The following FUT8 variants were observed in gnomAD, a reference collection of about 807,000 sequenced individuals.
FUT8 encodes the protein fucosyltransferase 8.
Under a neutral mutation model 71.3 loss-of-function variants are expected in FUT8, and 29 were observed. That is an observed-to-expected ratio of 0.41 (90% confidence interval 0.30 to 0.55). FUT8 has a LOEUF of 0.55. Ranked by LOEUF, FUT8 falls within the 20% of genes least tolerant of loss-of-function variation. The pLI is 0.34. For missense variants in FUT8, 544 were observed against 702.1 expected, an observed-to-expected ratio of 0.77 and a Z score of 2.55; for synonymous variants, 254 against 239.3, an observed-to-expected ratio of 1.06 and a Z score of -0.57.
chr14:65,370,290 CT>C, the FUT8 span, among the ~76,000 whole-genome samples: 1 of 144,368 alleles, frequency 6.9e-6, no homozygotes, highest in Non-Finnish European at 1.5e-5. Context: ...TCACTGCAAG[CT>C]CCGCCTCCCG....
intron 3 of FUT8, among the ~76,000 whole-genome samples, chr14:65,608,110 C>G (rs1169351671): frequency 6.8e-6 from 1 of 146,198 alleles, no homozygotes; most frequent in Non-Finnish European, 1.5e-5. Flanking sequence ...TCAAAAAATT[C>G]AATAGATTTT....
chr14:65,364,039 G>A, the FUT8 span, among the ~76,000 whole-genome samples: 1 of 152,124 alleles, frequency 6.6e-6, no homozygotes, highest in Admixed American at 6.6e-5. Context: ...AAACTTGGTG[G>A]AGAACACTGG....
chr14:65,571,128 A>G (rs1404633810), intron 3 of FUT8, among the ~76,000 whole-genome samples: 5 of 152,080 alleles, frequency 3.3e-5, no homozygotes, highest in African/African-American at 7.2e-5. Flanking sequence ...TCATTGCTCA[A>G]TTAAACTCCT....
At chr14:65,465,019 A>C (rs1461534089) in intron 2 of FUT8, among the ~76,000 whole-genome samples, 1 of 152,170 alleles carries the variant, frequency 6.6e-6, no homozygotes, top group Non-Finnish European at 1.5e-5. Flanking sequence ...AGGCTTATTC[A>C]GATTATTTGT....
At chr14:65,476,637 A>ATTTTTTTTTTTT (rs200882761) in intron 2 of FUT8, among the ~76,000 whole-genome samples, 1 of 125,082 alleles carries the variant, frequency 8.0e-6, no homozygotes, top group African/African-American at 3.1e-5. Flanking sequence ...AAAGAAGTAG[A>ATTTTTTTTTTTT]TTTTTTTTTT....
At chr14:65,497,283 T>C (rs772274785) in intron 2 of FUT8, among the ~76,000 whole-genome samples, 1 of 152,138 alleles carries the variant, frequency 6.6e-6, no homozygotes, top group Non-Finnish European at 1.5e-5. Context: ...TGTTTGGAAG[T>C]TGACAGTGGT....
the FUT8 span, among the ~76,000 whole-genome samples, chr14:65,374,444 A>G: frequency 2.0e-5 from 3 of 152,156 alleles, no homozygotes; most frequent in Admixed American, 2.0e-4. Context: ...GCCCCTGCCC[A>G]CACCATGAAA....
chr14:65,482,452 A>T (rs573026722), intron 2 of FUT8, among the ~76,000 whole-genome samples: 12 of 152,286 alleles, frequency 7.9e-5, no homozygotes, highest in African/African-American at 2.9e-4. Context: ...AGCTGAATGT[A>T]ATTTTGCTCT....
intron 6 of FUT8, among the ~76,000 whole-genome samples, chr14:65,647,919 A>T (rs1254692348): frequency 6.6e-6 from 1 of 152,114 alleles, no homozygotes; most frequent in Non-Finnish European, 1.5e-5. Context: ...ATTAAAGCAA[A>T]ATACAAAATG....
At chr14:65,443,455 T>A (rs1223822711) in intron 1 of FUT8, among the ~76,000 whole-genome samples, 1 of 149,316 alleles carries the variant, frequency 6.7e-6, no homozygotes, top group South Asian at 2.1e-4. Flanking sequence ...GTGCAGTGGC[T>A]CACACCTATG....
Position 65,724,196 on chromosome 14 carries a change from C to A in FUT8, c.1132C>A (p.Pro378Thr). The change falls in exon 9 of 11, where the codon CCC becomes ACC. Residue 378 changes from proline (P) to threonine (T), a missense_variant. Transcript: ENST00000673929. The stretch of plus-strand genomic sequence containing the variant: ...AGTGGGAACAGAAGCTGCCTTCCAT[C>A]CCATTGAAGAGTACATGGTGCATGT... ...DKVGTEAAFH[P>T]IEEYMVHVEE... The A allele has an allele frequency of 6.2e-7, 1 of 1,607,782 alleles. No homozygotes were observed.
chr14:65,632,032 A>G (rs1253235187), intron 6 of FUT8, among the ~76,000 whole-genome samples: 1 of 152,212 alleles, frequency 6.6e-6, no homozygotes. Flanking sequence ...TCGTTAATTC[A>G]TTCCTTTTTA....
At chr14:65,527,274 T>C (rs1883551981) in intron 2 of FUT8, among the ~76,000 whole-genome samples, 1 of 152,214 alleles carries the variant, frequency 6.6e-6, no homozygotes, top group African/African-American at 2.4e-5. Context: ...TTTTACTCTT[T>C]TTTTGTCTAA....
rs1310837180 is a variant in FUT8, at chr14:65,742,365, G to A, written c.1683G>A (p.Lys561=). 1 of 1,612,670 alleles carries A rather than the reference G, an allele frequency of 6.2e-7. No individual in the cohort carries two copies. Among genetic ancestry groups the A allele is most frequent in the South Asian group, 1.1e-5 (1 of 91,032 alleles). ...GLYPSYKVRE[K]IETVKYPTYP... Reference sequence around the variant, plus strand: ...ATCCCTCCTACAAAGTTCGAGAGAAGATAGAAACGGTCAAGTACCCCACAT... The same window carrying A: ...ATCCCTCCTACAAAGTTCGAGAGAAAATAGAAACGGTCAAGTACCCCACAT... The change falls in exon 11 of 11, where the codon AAG becomes AAA. Residue 561 remains lysine, a synonymous_variant. Coordinates refer to ENST00000673929, the MANE Select transcript of FUT8 (RefSeq NM_001371533.1).
chr14:65,673,833 A>C (rs73268568), intron 7 of FUT8, among the ~76,000 whole-genome samples: 2,301 of 152,310 alleles, frequency 0.015, 59 homozygotes, highest in African/African-American at 0.052. Context: ...AGTTATAAGA[A>C]ATTGATTTCA....
intron 7 of FUT8, among the ~76,000 whole-genome samples, chr14:65,700,633 T>C (rs2140479341): frequency 6.6e-6 from 1 of 152,202 alleles, no homozygotes; most frequent in Non-Finnish European, 1.5e-5. Context: ...TCTCCTGACC[T>C]CGTGATCCGC....
At chr14:65,504,809 C>T (rs1011590365) in intron 2 of FUT8, among the ~76,000 whole-genome samples, 1 of 152,140 alleles carries the variant, frequency 6.6e-6, no homozygotes, top group Non-Finnish European at 1.5e-5. Context: ...CCGCCTTGGC[C>T]TCCCACAGTG....
At chr14:65,458,891 C>T (rs1594652909) in intron 2 of FUT8, among the ~76,000 whole-genome samples, 1 of 150,452 alleles carries the variant, frequency 6.6e-6, no homozygotes, top group South Asian at 2.1e-4. Context: ...TGGGTTCAAA[C>T]AGTTCTCATG....
intron 1 of FUT8, among the ~76,000 whole-genome samples, chr14:65,425,289 C>A (rs2065366487): frequency 6.6e-6 from 1 of 151,946 alleles, no homozygotes; most frequent in South Asian, 2.1e-4. Flanking sequence ...CCTCAGCCTC[C>A]CAAGTAGCTG....
Sources: gnomAD v4.1 joint callset for allele counts (sites outside exome capture counted in the v4.1 genomes callset) on GRCh38, gnomAD v4.1.1 for gene constraint, MANE v1.5 for transcripts, NCBI Gene and HGNC (gene_info 2026-07-23, HGNC 2026-07-21) for gene names.